Variants in GCNT1 observed in about 807,000 individuals in gnomAD.
GCNT1 encodes the protein glucosaminyl (N-acetyl) transferase 1, also known as beta-1,3-galactosyl-O-glycosyl-glycoprotein beta-1,6-N-acetylglucosaminyltransferase.
A neutral mutation model predicts 26.2 loss-of-function variants in GCNT1; 16 were observed. The observed-to-expected ratio is 0.61, with a 90% confidence interval of 0.41 to 0.93. The LOEUF (loss-of-function observed/expected upper bound fraction) is 0.93. GCNT1 is among the 40% of genes least tolerant of loss of function. GCNT1 has a pLI of 0.00. For missense variants in GCNT1, 477 were observed against 526.7 expected, an observed-to-expected ratio of 0.91 and a Z score of 0.92; for synonymous variants, 183 against 190.8, an observed-to-expected ratio of 0.96 and a Z score of 0.34.
chr9:76,399,480 A>T, the GCNT1 span: 5 of 1,590,762 alleles, frequency 3.1e-6, no homozygotes, highest in Admixed American at 8.3e-5. Context: ...CCTATTCAGC[A>T]GTTCCCTACT....
At chr9:76,481,959 G>A (rs1313813632) in intron 2 of GCNT1, among the ~76,000 whole-genome samples, 1 of 152,198 alleles carries the variant, frequency 6.6e-6, no homozygotes, top group African/African-American at 2.4e-5. Context: ...TGAGCTTAGA[G>A]AAGCCAAATC....
chr9:76,482,632 A>G (rs1172489181), intron 2 of GCNT1, among the ~76,000 whole-genome samples: 1 of 151,874 alleles, frequency 6.6e-6, no homozygotes, highest in African/African-American at 2.4e-5. Flanking sequence ...TCAAAAAAAA[A>G]AGAACTGGTA....
intron 2 of GCNT1, among the ~76,000 whole-genome samples, chr9:76,491,360 GT>G (rs1824732811): frequency 2.0e-5 from 3 of 152,176 alleles, no homozygotes; most frequent in Admixed American, 1.3e-4. Context: ...ACCTCTTTGG[GT>G]TTTTGCACTG....
intron 2 of GCNT1, among the ~76,000 whole-genome samples, chr9:76,491,582 G>A (rs1260691958): frequency 6.6e-6 from 1 of 152,216 alleles, no homozygotes; most frequent in Non-Finnish European, 1.5e-5. Context: ...GTCCCTGGGG[G>A]AAGAGGCTTA....
chr9:76,420,916 G>C (rs1335528576), intron 1 of GCNT1, among the ~76,000 whole-genome samples: 1 of 144,810 alleles, frequency 6.9e-6, no homozygotes, highest in Non-Finnish European at 1.5e-5. Flanking sequence ...TCCAGCCTGG[G>C]TGACAGAACA....
At position 76,502,336 on chromosome 9, in the gene GCNT1, A is replaced by G. The variant is rs927392360; in HGVS notation, c.-46A>G. 1.5e-6 allele frequency: 2 copies of G among 1,361,786 alleles called. No homozygotes were observed. The highest frequency in any genetic ancestry group is 1.4e-5 in the African/African-American group (1 of 69,546). The allele number at this position is 1,361,786 out of a possible 1,614,324, so 84.4% of individuals were successfully genotyped here. On this transcript the variant is annotated 5_prime_UTR_variant, in exon 4 of 4. Coordinates refer to ENST00000376730, the MANE Select transcript of GCNT1 (RefSeq NM_001490.5). ...AGGGAAAATCATTGGTGCTTGGAGC[A>G]TAGAAGACTGCCCTTCACAAAGGAA... is the stretch of plus-strand genomic sequence containing the variant.
In GCNT1 at chr9:76,505,434, T is replaced by C. The variant is rs1463910460; in HGVS notation, c.*1766T>C. On this transcript the variant is annotated 3_prime_UTR_variant, in exon 4 of 4. Transcript: ENST00000376730. ...GGTGGTACATGCAGTGTGTTCTCTC[T>C]TTATTGGCTTCTAAACCAGTTTTGT... The C allele has an allele frequency of 6.0e-6, 1 of 167,308 alleles. No individual in the cohort carries two copies. The highest frequency in any genetic ancestry group is 1.5e-5 in the Non-Finnish European group (1 of 68,274). 10.4% of individuals were successfully genotyped at this position (167,308 alleles called of 1,614,324 possible).
chr9:76,490,763 C>CT lies in GCNT1; in HGVS notation c.-289-10152dup, dbSNP rs72540974. Among the ~76,000 whole-genome samples the CT allele has an allele frequency of 4.8e-4, 3 of 6,300 alleles. No homozygotes were observed. The African/African-American group carries it at 0.013, about 27-fold the overall frequency. 4.1% of individuals were successfully genotyped at this position (6,300 alleles called of 152,430 possible). A position where few individuals can be genotyped will look rare whatever the true frequency, so the allele number is the denominator to read the frequency against. ...ACCAATTATTAGGCAAGTTTCCTAA[C>CT]TGCAAGAGTTTTCTTATCACTTACT... On this transcript the variant is annotated intron_variant, in intron 2 of 3. Coordinates refer to ENST00000376730, the MANE Select transcript of GCNT1 (RefSeq NM_001490.5).
At chr9:76,466,931 T>C (rs1440560411) in intron 2 of GCNT1, among the ~76,000 whole-genome samples, 1 of 152,206 alleles carries the variant, frequency 6.6e-6, no homozygotes, top group African/African-American at 2.4e-5. Context: ...GATGATTACC[T>C]TGAAGCTTGG....
At chr9:76,498,512 C>A (rs1203077334) in intron 2 of GCNT1, among the ~76,000 whole-genome samples, 1 of 152,080 alleles carries the variant, frequency 6.6e-6, no homozygotes, top group Non-Finnish European at 1.5e-5. Flanking sequence ...GTGGCTCACC[C>A]CTGTAATCCC....
In GCNT1 at chr9:76,504,978, A is replaced by G. The variant is rs1038271869; in HGVS notation, c.*1310A>G. ...TTTTACTCTCTCCATCTTCACCATA[A>G]GACAGATAATTTGGGGTTGCTATAA... On this transcript the variant is annotated 3_prime_UTR_variant, in exon 4 of 4. Transcript: ENST00000376730. The G allele has an allele frequency of 2.4e-6, 1 of 413,280 alleles. No individual in the cohort carries two copies. The highest frequency in any genetic ancestry group is 2.1e-5 in the African/African-American group (1 of 48,616). The allele number at this position is 413,280 out of a possible 1,614,324, so 25.6% of individuals were successfully genotyped here. A position where few individuals can be genotyped will look rare whatever the true frequency, so the allele number is the denominator to read the frequency against.
chr9:76,426,200 G>T (rs953384958), intron 1 of GCNT1, among the ~76,000 whole-genome samples: 1 of 152,164 alleles, frequency 6.6e-6, no homozygotes, highest in Non-Finnish European at 1.5e-5. Flanking sequence ...TTCGTCCTGC[G>T]CTCAGGAATG....
At chr9:76,495,546 G>C (rs1824883861) in intron 2 of GCNT1, among the ~76,000 whole-genome samples, 1 of 152,144 alleles carries the variant, frequency 6.6e-6, no homozygotes, top group South Asian at 2.1e-4. Context: ...CCTGCTGATT[G>C]GTCCATTTTA....
At chr9:76,473,822 A>G (rs751929734) in intron 2 of GCNT1, among the ~76,000 whole-genome samples, 19 of 152,086 alleles carry the variant, frequency 1.2e-4, no homozygotes, top group Non-Finnish European at 2.2e-4. Flanking sequence ...AATATTCAGG[A>G]CTGGGCACAG....
chr9:76,443,930 AAAGGAAGGAAGGAAGGAAGGAAGGAAGG>A (rs201262371), intron 1 of GCNT1, among the ~76,000 whole-genome samples: 12 of 78,084 alleles, frequency 1.5e-4, no homozygotes, highest in South Asian at 9.9e-4. Context: ...AGAAAGGAAG[AAAGGAAGGAAGGAAGGAAGGAAGGAAGG>A]AAGGAAGGAA....
upstream of GCNT1, among the ~76,000 whole-genome samples, chr9:76,454,986 T>C (rs2131589666): frequency 6.6e-6 from 1 of 151,504 alleles, no homozygotes; most frequent in Non-Finnish European, 1.5e-5. Context: ...TAGCTGGGAT[T>C]ACAGGCGTGC....
At chr9:76,462,632 G>A (rs1444876953) in intron 2 of GCNT1, among the ~76,000 whole-genome samples, 1 of 152,068 alleles carries the variant, frequency 6.6e-6, no homozygotes, top group Non-Finnish European at 1.5e-5. Flanking sequence ...TATTTAAGAT[G>A]GTCTAAATGT....
chr9:76,478,676 A>G (rs935912637), intron 2 of GCNT1, among the ~76,000 whole-genome samples: 1 of 152,200 alleles, frequency 6.6e-6, no homozygotes, highest in Non-Finnish European at 1.5e-5. Flanking sequence ...ATTCCTTTTT[A>G]AGACCAAATA....
Position 76,500,955 on chromosome 9 carries a change from A to G in GCNT1, c.-250A>G, listed in dbSNP as rs1005266912. 2 of 152,150 alleles carry G rather than the reference A, an allele frequency of 1.3e-5. No homozygotes were observed. Among genetic ancestry groups the G allele is most frequent in the Non-Finnish European group, 2.9e-5 (2 of 68,032 alleles). 9.4% of individuals were successfully genotyped at this position (152,150 alleles called of 1,614,324 possible). On this transcript the variant is annotated 5_prime_UTR_variant, in exon 3 of 4. It removes an upstream start codon present in the reference 5' UTR. Coordinates refer to ENST00000376730, the MANE Select transcript of GCNT1 (RefSeq NM_001490.5). ...TCGTGCAGCACATCATTATCGCTGG[A>G]TGCCCGGACATGTAATACACCTGAC...
Sources: allele counts gnomAD v4.1 joint callset (sites outside exome capture counted in the v4.1 genomes callset), GRCh38; gene constraint gnomAD v4.1.1; transcripts MANE v1.5; gene names NCBI Gene and HGNC (gene_info 2026-07-23, HGNC 2026-07-21).